WDFY3: variants seen among roughly 807,000 people sequenced by gnomAD.
WDFY3 encodes WD repeat and FYVE domain containing 3.
In WDFY3, 66 loss-of-function variants were observed where a neutral mutation model predicts 409.6. The observed-to-expected ratio is 0.16, with a 90% CI of 0.13 to 0.20. The LOEUF (loss-of-function observed/expected upper bound fraction) is 0.20, where lower values mean the gene tolerates loss of function less well. Ranked by LOEUF, WDFY3 falls within the 10% of genes least tolerant of loss-of-function variation. WDFY3 has a pLI of 1.00. For missense variants in WDFY3, 3,031 were observed against 4,298.1 expected (o/e 0.71, Z 8.24); for synonymous variants, 1,521 against 1,537.1 (o/e 0.99, Z 0.25).
At position 84,691,743 on chromosome 4, in the gene WDFY3, C is replaced by A; in HGVS notation, c.9092G>T (p.Gly3031Val). ...CTTATTCTGTTCCACCGCAAGAATA[C>A]CTTTATCTGTACATACGATTTGTCC... ...PVGQIVCTDK[G>V]ILAVEQNKVL... Residue 3031 changes from glycine (G) to valine (V), a missense_variant, in exon 60 of 68, where the codon GGT (glycine) becomes GTT (valine). This residue lies in a region of WDFY3 where 152 missense variants were observed against 193.5 expected (regional missense o/e 0.79). Transcript: ENST00000295888. The A allele has an allele frequency of 6.2e-7, 1 of 1,614,056 alleles. No homozygotes were observed. Among genetic ancestry groups the A allele is most frequent in the South Asian group, 1.1e-5 (1 of 91,072 alleles).
At chr4:84,961,788 T>C (rs531313640) in intron 1 of WDFY3, among the ~76,000 whole-genome samples, 31 of 152,252 alleles carry the variant, frequency 2.0e-4, no homozygotes, top group African/African-American at 7.2e-4. Flanking sequence ...TAACTGACAA[T>C]ACCAAGTGCT....
At chr4:84,801,138 CAT>C (rs370253567) in intron 17 of WDFY3, among the ~76,000 whole-genome samples, 11 of 152,268 alleles carry the variant, frequency 7.2e-5, no homozygotes, top group East Asian at 1.9e-4. Context: ...TGAATCTACA[CAT>C]GATACAATAA....
At chr4:84,729,595 C>A in intron 44 of WDFY3, among the ~76,000 whole-genome samples, 1 of 151,212 alleles carries the variant, frequency 6.6e-6, no homozygotes, top group Non-Finnish European at 1.5e-5. Context: ...AATTTAAAAT[C>A]AATAAATAAA....
rs747133741 is a variant in WDFY3 at position 84,803,477 on chromosome 4, A to T, written c.2430-10T>A. The T allele has an allele frequency of 6.3e-7, 1 of 1,596,442 alleles. No homozygotes were observed. Among genetic ancestry groups the T allele is most frequent in the African/African-American group, 1.3e-5 (1 of 74,204 alleles). ...AGAATGATATGCATGCCTATAAAAA[A>T]AGAAAGAGTAAATTTGGTATTGAAT... On this transcript the variant is annotated splice_polypyrimidine_tract_variant and intron_variant, in intron 15 of 67. Coordinates refer to ENST00000295888, the MANE Select transcript of WDFY3 (RefSeq NM_014991.6).
rs569138014 is a variant in WDFY3 at position 84,897,631 on chromosome 4, G to A, written c.-131-621C>T. Among the ~76,000 whole-genome samples the A allele has an allele frequency of 1.4e-3, 217 of 152,154 alleles. 1 individual carries two copies. Among genetic ancestry groups the A allele is most frequent in the African/African-American group, 4.9e-3 (202 of 41,518 alleles). On this transcript the variant is annotated intron_variant, in intron 2 of 67. Coordinates refer to ENST00000295888, the MANE Select transcript of WDFY3 (RefSeq NM_014991.6). ...CCTCCTGACCTCAGGTGATCTGCCCGCCTCGGTCTCCCAAAGGGGAAATGC... is the reference window on the plus strand; with the variant it reads ...CCTCCTGACCTCAGGTGATCTGCCCACCTCGGTCTCCCAAAGGGGAAATGC...
chr4:84,882,767 T>C (rs1312641134), intron 3 of WDFY3, among the ~76,000 whole-genome samples: 1 of 151,936 alleles, frequency 6.6e-6, no homozygotes, highest in Non-Finnish European at 1.5e-5. Flanking sequence ...CAGGATGGTA[T>C]GCATGGCATG....
At chr4:84,848,010 G>T (rs944740832) in intron 5 of WDFY3, among the ~76,000 whole-genome samples, 1 of 151,388 alleles carries the variant, frequency 6.6e-6, no homozygotes, top group Non-Finnish European at 1.5e-5. Flanking sequence ...CACAAAGATA[G>T]AAAATGAGAA....
Position 84,891,902 on chromosome 4 carries a change from A to C in WDFY3, c.-32+5009T>G, listed in dbSNP as rs184684092. The stretch of plus-strand genomic sequence containing the variant: ...TTTCTCTCCAGGCATTGAAAAGTCA[A>C]ATTGGGACAGACCTTCAGTTCACAT... On this transcript the variant is annotated intron_variant, in intron 3 of 67. Transcript: ENST00000295888. Among the ~76,000 whole-genome samples, 5 of 152,272 alleles carry C rather than the reference A, an allele frequency of 3.3e-5. No individual in the cohort carries two copies. The East Asian group carries it at 9.6e-4, about 29-fold the overall frequency.
intron 62 of WDFY3, among the ~76,000 whole-genome samples, chr4:84,685,079 C>A (rs1036398491): frequency 1.3e-5 from 2 of 152,192 alleles, no homozygotes; most frequent in African/African-American, 4.8e-5. Context: ...CCATACCGTG[C>A]TGCCTCTTTC....
intron 2 of WDFY3, among the ~76,000 whole-genome samples, chr4:84,917,444 C>A (rs1423943753): frequency 6.6e-6 from 1 of 152,028 alleles, no homozygotes; most frequent in Non-Finnish European, 1.5e-5. Flanking sequence ...GTGATAGATA[C>A]ATAAGCATAT....
In WDFY3 at chr4:84,875,263, A is replaced by AACACACACAC. The variant is rs58589086; in HGVS notation, c.-31-14651_-31-14642dup. Among the ~76,000 whole-genome samples the AACACACACAC allele has an allele frequency of 6.2e-3, 849 of 137,548 alleles. 11 individuals are homozygous for AACACACACAC. Among genetic ancestry groups the AACACACACAC allele is most frequent in the African/African-American group, 0.021 (772 of 36,328 alleles). The allele number at this position is 137,548 out of a possible 152,430, so 90.2% of individuals were successfully genotyped here. A position where few individuals can be genotyped will look rare whatever the true frequency, so the allele number is the denominator to read the frequency against. ...AGCCTGGGGTACCGAGCAAGACTCA[A>AACACACACAC]ACACACACACACACACACACACACA... On this transcript the variant is annotated intron_variant, in intron 3 of 67. Coordinates refer to ENST00000295888, the MANE Select transcript of WDFY3 (RefSeq NM_014991.6).
At chr4:84,721,898 T>C (rs16995920) in intron 46 of WDFY3, among the ~76,000 whole-genome samples, 40,577 of 152,106 alleles carry the variant, frequency 0.27, 6,153 homozygotes, top group East Asian at 0.43. Flanking sequence ...AGAGGATTGT[T>C]GGAGGACTAA....
chr4:84,874,618 T>C (rs1020524369), intron 3 of WDFY3, among the ~76,000 whole-genome samples: 7 of 152,138 alleles, frequency 4.6e-5, no homozygotes, highest in African/African-American at 1.4e-4. Context: ...GTATTATGTA[T>C]ATTGTTTTCT....
At chr4:84,795,298 C>T (rs1157926770) in intron 19 of WDFY3, among the ~76,000 whole-genome samples, 4 of 152,190 alleles carry the variant, frequency 2.6e-5, no homozygotes, top group Non-Finnish European at 5.9e-5. Flanking sequence ...AAGGAAAACT[C>T]CCATGTGCCC....
intron 1 of WDFY3, among the ~76,000 whole-genome samples, chr4:84,954,753 T>C (rs1182046435): frequency 2.0e-5 from 3 of 152,232 alleles, no homozygotes; most frequent in Non-Finnish European, 4.4e-5. Flanking sequence ...TGCTGAAATA[T>C]ATTATACAAT....
intron 59 of WDFY3, among the ~76,000 whole-genome samples, 198 bp downstream of exon 59, chr4:84,692,687 C>CA (rs1429305949): frequency 1.4e-5 from 2 of 147,932 alleles, no homozygotes; most frequent in African/African-American, 5.0e-5. Flanking sequence ...TCCAACAAGC[C>CA]AAAAAAAGAA....
At chr4:84,824,297 C>T (rs546964667) in intron 10 of WDFY3, among the ~76,000 whole-genome samples, 24 of 152,180 alleles carry the variant, frequency 1.6e-4, no homozygotes, top group Non-Finnish European at 3.1e-4. Context: ...TTGTGTATTG[C>T]TATAATTGTT....
intron 2 of WDFY3, among the ~76,000 whole-genome samples, chr4:84,930,003 A>C (rs1390860292): frequency 6.6e-6 from 1 of 152,078 alleles, no homozygotes; most frequent in Non-Finnish European, 1.5e-5. Flanking sequence ...AAAGCCAAGA[A>C]AACAGGACTG....
chr4:84,690,219 A>G (rs1164224286), intron 61 of WDFY3, among the ~76,000 whole-genome samples: 1 of 152,354 alleles, frequency 6.6e-6, no homozygotes, highest in East Asian at 1.9e-4. Flanking sequence ...GCAAAAATTC[A>G]ATTTAGACTT....
Sources: gnomAD v4.1 joint callset for allele counts (sites outside exome capture counted in the v4.1 genomes callset) on GRCh38, gnomAD v4.1.1 for gene constraint, gnomAD v4.1.1 regional missense constraint, MANE v1.5 for transcripts, NCBI Gene and HGNC (gene_info 2026-07-23, HGNC 2026-07-21) for gene names.